The following TAF1D variants were observed in gnomAD, a reference collection of about 807,000 sequenced individuals.
TAF1D encodes TATA-box binding protein associated factor, RNA polymerase I subunit D.
Under a neutral mutation model 26.2 loss-of-function variants are expected in TAF1D, and 23 were observed. The observed-to-expected ratio is 0.88, with a 90% confidence interval of 0.63 to 1.25. TAF1D has a LOEUF of 1.25. Ranked by LOEUF, TAF1D falls within the 50% of genes most tolerant of loss-of-function variation. The pLI is 0.00. For missense variants in TAF1D, 299 were observed against 322.0 expected, an observed-to-expected ratio of 0.93 and a Z score of 0.55; for synonymous variants, 100 against 105.6, an observed-to-expected ratio of 0.95 and a Z score of 0.33.
At chr11:93,730,329 T>C in exon 12 of TAF1D, 2 of 1,178,896 alleles carry the variant, frequency 1.7e-6, no homozygotes, top group Non-Finnish European at 2.5e-6. Context: ...GACAAAATTA[T>C]TTAAAGTCAA....
Position 93,738,418 on chromosome 11 carries a change from T to G in TAF1D, c.150A>C (p.Arg50=). ...CACTTTCAGGTGTACGAACAAATTT[T>G]CGAATGGGGTTTCTTTTCTCCCCTT... is the stretch of plus-strand genomic sequence containing the variant. ...SPKGEKRNPI[R]KFVRTPESVH... is the part of the protein sequence containing the mutation. Residue 50 remains arginine, a synonymous_variant, in exon 3 of 6, where the codon CGA becomes CGC. Coordinates refer to ENST00000448108, the MANE Select transcript of TAF1D (RefSeq NM_024116.4). 6.2e-7 allele frequency: 1 copy of G among 1,612,996 alleles called. No homozygotes were observed. The highest frequency in any genetic ancestry group is 8.5e-7 in the Non-Finnish European group (1 of 1,179,778).
At chr11:93,740,843 CT>C (rs901778298) in intron 1 of TAF1D, among the ~76,000 whole-genome samples, 3 of 152,138 alleles carry the variant, frequency 2.0e-5, no homozygotes, top group Admixed American at 6.6e-5. Flanking sequence ...TCAATAATCA[CT>C]TTTTCGAAGT....
chr11:93,738,368 T>C lies in TAF1D; in HGVS notation c.200A>G (p.Asp67Gly), dbSNP rs771930745. 3.7e-6 allele frequency: 6 copies of C among 1,613,892 alleles called. No homozygotes were observed. The Admixed American group carries it at 1.0e-4, about 27-fold the overall frequency. ...CAATGGTATTGGTTCAAAAGATGAG[T>C]CACTTGATGAATCACTTGCGTGAAC... is the stretch of plus-strand genomic sequence containing the variant. ...ESVHASDSSS[D>G]SSFEPIPLTI... The change falls in exon 3 of 6, where the codon GAC (aspartate) becomes GGC (glycine). Residue 67 changes from aspartate (D) to glycine (G), a missense_variant. Physicochemically the swap from Asp to Gly is moderately conservative, Grantham distance 94. Coordinates refer to ENST00000448108, the MANE Select transcript of TAF1D (RefSeq NM_024116.4).
chr11:93,734,476 G>GA (rs1404405880), downstream of TAF1D: 2 of 364,596 alleles, frequency 5.5e-6, no homozygotes, highest in Non-Finnish European at 1.1e-5. Flanking sequence ...TAAAATGTGT[G>GA]AATCTAGGAT....
downstream of TAF1D, chr11:93,732,282 A>AT (rs1363261823): frequency 2.0e-6 from 1 of 493,866 alleles, no homozygotes; most frequent in Non-Finnish European, 4.0e-6. Context: ...CTGGTTCTCA[A>AT]TTTGACACCC....
intron 5 of TAF1D, 51 bp downstream of exon 5, chr11:93,736,643 A>C: frequency 1.9e-6 from 3 of 1,599,862 alleles, no homozygotes; most frequent in Non-Finnish European, 2.6e-6. Context: ...CTTCTGTATC[A>C]ACCAACTCCT....
chr11:93,732,590 CAAT>C, downstream of TAF1D: 2 of 395,476 alleles, frequency 5.1e-6, no homozygotes, highest in South Asian at 2.0e-5. Context: ...TTAACAAGTA[CAAT>C]AATTTGAGCT....
chr11:93,735,426 T>C (rs377242290), downstream of TAF1D: 1 of 730,564 alleles, frequency 1.4e-6, no homozygotes, highest in Non-Finnish European at 1.7e-6. Context: ...CTCACACCTA[T>C]AATCCCAGCA....
chr11:93,739,124 T>C, intron 2 of TAF1D, 113 bp downstream of exon 2: 2 of 785,900 alleles, frequency 2.5e-6, no homozygotes, highest in Non-Finnish European at 4.1e-6. Flanking sequence ...GGAAGGTCAG[T>C]GAAATCTAGT....
intron 1 of TAF1D, 33 bp downstream of exon 1, chr11:93,741,289 G>A (rs1455632865): frequency 6.6e-6 from 3 of 456,096 alleles, no homozygotes; most frequent in Non-Finnish European, 1.3e-5. Flanking sequence ...CCGCCCGCCA[G>A]GCCCGGACGG....
chr11:93,739,221 G>A lies in TAF1D; in HGVS notation c.68+16C>T, dbSNP rs201399499. 136 of 1,579,726 alleles carry A rather than the reference G, an allele frequency of 8.6e-5. No homozygotes were observed. The highest frequency in any genetic ancestry group is 1.2e-5 in the Non-Finnish European group (14 of 1,151,186). ...CTCATAATTCAGATACAATAAACAT[G>A]ATTGAATCCACTCACCTTCGATTTG... is the stretch of plus-strand genomic sequence containing the variant. On this transcript the variant is annotated intron_variant, in intron 2 of 5. Transcript: ENST00000448108.
intron 1 of TAF1D, among the ~76,000 whole-genome samples, chr11:93,739,779 T>G (rs1176686288): frequency 2.0e-5 from 3 of 152,014 alleles, no homozygotes; most frequent in Non-Finnish European, 4.4e-5. Context: ...AAACTCCTAA[T>G]CACCTCTCCA....
At chr11:93,731,473 T>G (rs763439907), downstream of TAF1D, 2 of 517,286 alleles carry the variant, frequency 3.9e-6, no homozygotes, top group African/African-American at 1.9e-5. Context: ...TATAATCTTC[T>G]GAAATACAAT....
Position 93,735,754 on chromosome 11 carries a change from G to A in TAF1D, c.*407C>T. 1 of 1,049,098 alleles carries A rather than the reference G, an allele frequency of 9.5e-7. No individual in the cohort carries two copies. Among genetic ancestry groups the A allele is most frequent in the Non-Finnish European group, 1.1e-6 (1 of 869,862 alleles). The allele number at this position is 1,049,098 out of a possible 1,614,324, so 65.0% of individuals were successfully genotyped here. A position where few individuals can be genotyped will look rare whatever the true frequency, so the allele number is the denominator to read the frequency against. On this transcript the variant is annotated 3_prime_UTR_variant, in exon 6 of 6. Transcript: ENST00000448108. ...AAGCATCTGACAGGTCACTTGTCAT[G>A]GCTGAACAAAGCTGGGATAAAATTA...
At chr11:93,736,436 C>G (rs1470965261) in intron 5 of TAF1D, 132 bp from the exon 6 acceptor site, 1 of 1,423,210 alleles carries the variant, frequency 7.0e-7, no homozygotes, top group East Asian at 2.6e-5. Flanking sequence ...TCCAAATTAA[C>G]ATTGCTTATT....
At chr11:93,740,152 T>C (rs999339120) in intron 1 of TAF1D, among the ~76,000 whole-genome samples, 1 of 151,174 alleles carries the variant, frequency 6.6e-6, no homozygotes, top group East Asian at 1.9e-4. Context: ...CTACAAAAAA[T>C]ACGGAAATTA....
chr11:93,737,130 T>G lies in TAF1D; in HGVS notation c.569A>C (p.Asp190Ala), dbSNP rs1280475298. The G allele has an allele frequency of 1.2e-6, 2 of 1,612,396 alleles. No individual in the cohort carries two copies. Among genetic ancestry groups the G allele is most frequent in the East Asian group, 4.5e-5 (2 of 44,800 alleles). The change falls in exon 4 of 6, where the codon GAT (aspartate) becomes GCT (alanine). Residue 190 changes from aspartate to alanine, a missense_variant. By Grantham distance (126) the Asp-to-Ala change is moderately radical. Transcript: ENST00000448108. ...MNVGEDLENE[D>A]FDSRRYKFLD... is the part of the protein sequence containing the mutation. ...AAATTTGTATCTACGACTGTCAAAA[T>G]CTTCATTTTCTAAATCTTCACCAAC...
rs751600563 is a variant in TAF1D, at chr11:93,736,691, T to C, written c.693+3A>G. 4 of 1,611,406 alleles carry C rather than the reference T, an allele frequency of 2.5e-6. No homozygotes were observed. The highest frequency in any genetic ancestry group is 2.2e-5 in the South Asian group (2 of 90,620). On this transcript the variant is annotated splice_donor_region_variant and intron_variant, in intron 5 of 5. Coordinates refer to ENST00000448108, the MANE Select transcript of TAF1D (RefSeq NM_024116.4). ...TGGAATAGGAAAAAAATAAGTCACT[T>C]ACTGCCAATTTGATATCACATTCGT...
chr11:93,735,806 TG>T lies in TAF1D; in HGVS notation c.*354del. On this transcript the variant is annotated 3_prime_UTR_variant, in exon 6 of 6. Coordinates refer to ENST00000448108, the MANE Select transcript of TAF1D (RefSeq NM_024116.4). Reference sequence around the variant, plus strand: ...AGCATTTCAAATCCCCTCTTCAAGATGGTTGGGTGTCAAGTTACTTTAAGAT... The same window carrying T: ...AGCATTTCAAATCCCCTCTTCAAGATGTTGGGTGTCAAGTTACTTTAAGAT... 9.4e-7 allele frequency: 1 copy of T among 1,064,552 alleles called. No individual in the cohort carries two copies. The highest frequency in any genetic ancestry group is 1.1e-6 in the Non-Finnish European group (1 of 879,712). The allele number at this position is 1,064,552 out of a possible 1,614,324, so 65.9% of individuals were successfully genotyped here. A position where few individuals can be genotyped will look rare whatever the true frequency, so the allele number is the denominator to read the frequency against.
Sources: gnomAD v4.1 joint callset for allele counts (sites outside exome capture counted in the v4.1 genomes callset) on GRCh38, gnomAD v4.1.1 for gene constraint, MANE v1.5 for transcripts, NCBI Gene and HGNC (gene_info 2026-07-23, HGNC 2026-07-21) for gene names.